The following POP1 variants were observed in gnomAD, a reference collection of about 807,000 sequenced individuals.
The protein encoded by POP1 is POP1 ribonuclease P/MRP subunit.
POP1 carries 75 observed loss-of-function variants against 102.2 expected under a neutral mutation model. The observed-to-expected ratio is 0.73, with a 90% CI of 0.61 to 0.89. The LOEUF (loss-of-function observed/expected upper bound fraction) is 0.89. POP1 is among the 40% of genes least tolerant of loss of function. POP1 has a pLI of 0.00. For synonymous variants in POP1, 436 were observed against 464.1 expected (o/e 0.94, Z 0.78); for missense variants, 1,116 against 1,267.4 (o/e 0.88, Z 1.81).
rs952406416 is a variant in POP1, at chr8:98,141,640, A to G, written c.1594+752A>G. Among the ~76,000 whole-genome samples the G allele has an allele frequency of 4.0e-5, 6 of 148,730 alleles. No homozygotes were observed. In the East Asian group the frequency reaches 1.2e-3, roughly 29 times the overall value. On this transcript the variant is annotated intron_variant, in intron 11 of 15. Transcript: ENST00000401707. ...GGATGGCGTCATCACTGCAACCTCC[A>G]CCTCCTGGGTTCAAGTGATTTGCCT...
intron 2 of POP1, 98 bp from the exon 3 acceptor site, chr8:98,127,497 A>G (rs1586229684): frequency 7.0e-7 from 1 of 1,434,978 alleles, no homozygotes; most frequent in Admixed American, 1.7e-5. Flanking sequence ...CTATAGGATT[A>G]AAAACATGGT....
At chr8:98,149,716 A>C (rs929013974) in intron 13 of POP1, among the ~76,000 whole-genome samples, 2 of 152,176 alleles carry the variant, frequency 1.3e-5, no homozygotes, top group Non-Finnish European at 2.9e-5. Context: ...AGATCATACC[A>C]CTGCACTCTA....
At chr8:98,132,251 A>T (rs1816401845) in intron 5 of POP1, among the ~76,000 whole-genome samples, 1 of 152,216 alleles carries the variant, frequency 6.6e-6, no homozygotes, top group Non-Finnish European at 1.5e-5. Context: ...CATTTTACAG[A>T]TGGGGAAACT....
intron 3 of POP1, 137 bp from the exon 4 acceptor site, chr8:98,128,228 A>C: frequency 1.3e-6 from 1 of 793,200 alleles, no homozygotes; most frequent in Non-Finnish European, 2.1e-6. Context: ...CCTTGTACCT[A>C]TACCTTAGAT....
chr8:98,130,112 G>T lies in POP1; in HGVS notation c.621G>T (p.Trp207Cys), dbSNP rs749388629. 1 of 1,614,180 alleles carries T rather than the reference G, an allele frequency of 6.2e-7. No individual in the cohort carries two copies. Among genetic ancestry groups the T allele is most frequent in the East Asian group, 2.2e-5 (1 of 44,884 alleles). Residue 207 changes from tryptophan to cysteine, a missense_variant, in exon 5 of 16, where the codon TGG (tryptophan) becomes TGT (cysteine). Coordinates refer to ENST00000401707, the MANE Select transcript of POP1 (RefSeq NM_001145860.2). The part of the protein sequence containing the change: ...KKNIWLETHI[W>C]HAKRFHMVKK... ...ACATTTGGTTAGAAACTCACATCTG[G>T]CACGCCAAGCGGTTTCATATGGTCA...
chr8:98,125,179 G>GTTTTTTTTTTTTT (rs748014497), intron 2 of POP1, among the ~76,000 whole-genome samples: 1 of 102,260 alleles, frequency 9.8e-6, no homozygotes, highest in Non-Finnish European at 1.8e-5. Context: ...TTTACAGACA[G>GTTTTTTTTTTTTT]TTTTTTTTTT....
At chr8:98,131,691 C>T (rs1034792981) in intron 5 of POP1, among the ~76,000 whole-genome samples, 12 of 152,136 alleles carry the variant, frequency 7.9e-5, no homozygotes, top group Non-Finnish European at 1.5e-4. Context: ...ACTGCCTTAC[C>T]ATTTTCCATA....
At chr8:98,126,077 G>A (rs113542661) in intron 2 of POP1, among the ~76,000 whole-genome samples, 8,878 of 150,716 alleles carry the variant, frequency 0.059, 365 homozygotes, top group Middle Eastern at 0.16. Flanking sequence ...TCAAACTCCT[G>A]GACTCAAGTG....
At position 98,148,962 on chromosome 8, in the gene POP1, G is replaced by A. The variant is rs778317473; in HGVS notation, c.1858G>A (p.Val620Ile). The change falls in exon 13 of 16, where the codon GTC becomes ATC. Residue 620 changes from valine to isoleucine, a missense_variant. Physicochemically the swap from Val to Ile is conservative, Grantham distance 29. Coordinates refer to ENST00000401707, the MANE Select transcript of POP1 (RefSeq NM_001145860.2). ...DRLGWGSGWD[V>I]LLPKGWGMAF... is the part of the protein sequence containing the mutation. ...ACTAGGCTGGGGAAGTGGCTGGGAT[G>A]TCCTACTCCCAAAGGGCTGGGGCAT... 6.2e-7 allele frequency: 1 copy of A among 1,613,684 alleles called. No homozygotes were observed. The highest frequency in any genetic ancestry group is 2.2e-5 in the East Asian group (1 of 44,884).
Position 98,158,471 on chromosome 8 carries a change from G to T in POP1, c.*200G>T. On this transcript the variant is annotated 3_prime_UTR_variant, in exon 16 of 16. Transcript: ENST00000401707. The stretch of plus-strand genomic sequence containing the variant: ...TTGATTTTCATCTTTCCCTGTCCTT[G>T]CTGTAATACTTTTAAATTATTTGGC... 1.6e-6 allele frequency: 1 copy of T among 625,880 alleles called. No homozygotes were observed. Among genetic ancestry groups the T allele is most frequent in the East Asian group, 3.0e-5 (1 of 33,846 alleles). 38.8% of individuals were successfully genotyped at this position (625,880 alleles called of 1,614,324 possible). A position where few individuals can be genotyped will look rare whatever the true frequency, so the allele number is the denominator to read the frequency against.
chr8:98,139,898 G>C (rs28695425), intron 9 of POP1, among the ~76,000 whole-genome samples, 180 bp from the exon 10 acceptor site: 4 of 152,056 alleles, frequency 2.6e-5, no homozygotes, highest in African/African-American at 9.7e-5. Flanking sequence ...TAATTCAAAG[G>C]GTAGTTAGTC....
intron 2 of POP1, among the ~76,000 whole-genome samples, chr8:98,125,838 C>T (rs1442763546): frequency 1.3e-5 from 2 of 151,936 alleles, no homozygotes; most frequent in African/African-American, 4.8e-5. Context: ...CTGTGCCTGG[C>T]TGGAAATTTT....
rs1173151659 is a variant in POP1 at position 98,138,440 on chromosome 8, TCTTTA to T, written c.1362+1491_1362+1495del. On this transcript the variant is annotated intron_variant, in intron 9 of 15. Coordinates refer to ENST00000401707, the MANE Select transcript of POP1 (RefSeq NM_001145860.2). ...CTACTGAGCATTCTGCCTCCACCAC[TCTTTA>T]CTTTGCTGAACCTTCCTCATTCTTC... Among the ~76,000 whole-genome samples the T allele has an allele frequency of 3.3e-5, 5 of 152,178 alleles. No homozygotes were observed. The East Asian group carries it at 7.7e-4, about 23-fold the overall frequency.
At position 98,136,851 on chromosome 8, in the gene POP1, T is replaced by C. The variant is rs1168202342; in HGVS notation, c.1269-10T>C. On this transcript the variant is annotated splice_polypyrimidine_tract_variant and intron_variant, in intron 8 of 15. Transcript: ENST00000401707. ...AAAGTTTCCATTTTAAGATGTTCTT[T>C]CTTTTTCAGCGATTTGACGATGGAG... 1 of 1,613,164 alleles carries C rather than the reference T, an allele frequency of 6.2e-7. No homozygotes were observed. The highest frequency in any genetic ancestry group is 1.1e-5 in the South Asian group (1 of 91,074).
chr8:98,133,144 G>A (rs1816431242), intron 5 of POP1, among the ~76,000 whole-genome samples: 1 of 152,074 alleles, frequency 6.6e-6, no homozygotes, highest in African/African-American at 2.4e-5. Flanking sequence ...TTGAGCCCAG[G>A]AAGTTGAGAC....
In POP1 at chr8:98,157,972, G is replaced by A. The variant is rs1479168027; in HGVS notation, c.2776G>A (p.Ala926Thr). ...KREKRQKPGR[A>T]SSDGPAGEEP... ...GGAGAAGAGGCAGAAGCCAGGACGT[G>A]CCTCTTCTGATGGCCCGGCGGGGGA... is the stretch of plus-strand genomic sequence containing the variant. The change falls in exon 16 of 16, where the codon GCC (alanine) becomes ACC (threonine). Residue 926 changes from alanine to threonine, a missense_variant. Ala to Thr is a moderately conservative substitution (Grantham distance 58). Coordinates refer to ENST00000401707, the MANE Select transcript of POP1 (RefSeq NM_001145860.2). 4 of 1,613,382 alleles carry A rather than the reference G, an allele frequency of 2.5e-6. No homozygotes were observed. Among genetic ancestry groups the A allele is most frequent in the Non-Finnish European group, 3.4e-6 (4 of 1,180,054 alleles).
chr8:98,136,100 A>C (rs1816531754), intron 7 of POP1, among the ~76,000 whole-genome samples: 1 of 149,852 alleles, frequency 6.7e-6, no homozygotes, highest in African/African-American at 2.5e-5. Context: ...TTTTTTTTTG[A>C]GACGGAGTCT....
chr8:98,147,461 G>A (rs1419492667), intron 12 of POP1, among the ~76,000 whole-genome samples: 1 of 152,164 alleles, frequency 6.6e-6, no homozygotes, highest in Non-Finnish European at 1.5e-5. Flanking sequence ...ACACAAATGG[G>A]GCTACAGCAT....
At chr8:98,157,021 C>T (rs558958327) in intron 15 of POP1, among the ~76,000 whole-genome samples, 6 of 151,660 alleles carry the variant, frequency 4.0e-5, no homozygotes, top group Non-Finnish European at 8.8e-5. Context: ...CCTGCCTCAG[C>T]CTCCCAAGTA....
Sources: gnomAD v4.1 joint callset for allele counts (sites outside exome capture counted in the v4.1 genomes callset) on GRCh38, gnomAD v4.1.1 for gene constraint, MANE v1.5 for transcripts, NCBI Gene and HGNC (gene_info 2026-07-23, HGNC 2026-07-21) for gene names.